CBFA2T3: variants seen among roughly 807,000 people sequenced by gnomAD.
CBFA2T3 encodes the protein CBFA2/RUNX1 partner transcriptional co-repressor 3.
In CBFA2T3, 31 loss-of-function variants were observed where a neutral mutation model predicts 58.6. The observed-to-expected ratio is 0.53, with a 90% CI of 0.40 to 0.71. CBFA2T3 has a LOEUF of 0.71. Ranked by LOEUF, CBFA2T3 falls within the 30% of genes least tolerant of loss-of-function variation. The pLI is 0.00. For missense variants in CBFA2T3, 1,076 were observed against 963.1 expected, an observed-to-expected ratio of 1.12 and a Z score of -1.55; for synonymous variants, 531 against 421.9, an observed-to-expected ratio of 1.26 and a Z score of -3.17.
chr16:88,941,274 C>T (rs1478793193), intron 1 of CBFA2T3: 1 of 651,904 alleles, frequency 1.5e-6, no homozygotes, highest in Non-Finnish European at 1.9e-6. Flanking sequence ...GGGGCGGTCT[C>T]CGGCCTCCGC....
intron 11 of CBFA2T3, among the ~76,000 whole-genome samples, chr16:88,878,501 G>A (rs1597652120): frequency 6.6e-6 from 1 of 152,352 alleles, no homozygotes; most frequent in African/African-American, 2.4e-5. Flanking sequence ...GTCGCGGAGG[G>A]TCCTCTGCCC....
chr16:88,884,705 C>T, intron 7 of CBFA2T3: 1 of 244,134 alleles, frequency 4.1e-6, no homozygotes. Flanking sequence ...GGACTCTCGT[C>T]TGGCCCAGGT....
chr16:88,921,827 C>A (rs781742493), intron 1 of CBFA2T3, among the ~76,000 whole-genome samples: 2 of 152,348 alleles, frequency 1.3e-5, no homozygotes, highest in African/African-American at 4.8e-5. Context: ...CCCCCATATG[C>A]GCCATAGCCT....
chr16:88,901,108 G>C (rs1035173967), intron 2 of CBFA2T3, among the ~76,000 whole-genome samples: 3 of 152,278 alleles, frequency 2.0e-5, no homozygotes, highest in African/African-American at 7.2e-5. Context: ...CCCCATCCGA[G>C]TTCCACGTTC....
chr16:88,974,219 T>C (rs1374366787), intron 1 of CBFA2T3, among the ~76,000 whole-genome samples: 4 of 152,104 alleles, frequency 2.6e-5, no homozygotes, highest in African/African-American at 4.8e-5. Context: ...AAAGTGGGCT[T>C]GGGGGGACAA....
intron 1 of CBFA2T3, among the ~76,000 whole-genome samples, chr16:88,911,540 G>A (rs1311201443): frequency 1.3e-5 from 2 of 152,244 alleles, no homozygotes; most frequent in African/African-American, 2.4e-5. Flanking sequence ...AACCTCAGGC[G>A]CCCTCTCCCT....
intron 1 of CBFA2T3, among the ~76,000 whole-genome samples, chr16:88,929,919 G>A (rs925199806): frequency 1.4e-5 from 2 of 147,108 alleles, no homozygotes; most frequent in Non-Finnish European, 3.0e-5. Context: ...CATCGTCCAC[G>A]CAAAAGCTAC....
intron 1 of CBFA2T3, among the ~76,000 whole-genome samples, chr16:88,959,851 C>T (rs1382583089): frequency 2.6e-5 from 4 of 152,100 alleles, no homozygotes; most frequent in African/African-American, 7.2e-5. Context: ...CATGGTGAAA[C>T]TCCATCTCTA....
At chr16:88,878,653 C>T (rs185020809) in intron 11 of CBFA2T3, among the ~76,000 whole-genome samples, 242 of 152,312 alleles carry the variant, frequency 1.6e-3, no homozygotes, top group Non-Finnish European at 2.2e-3. Flanking sequence ...GGCTAGAGAA[C>T]ACGGGTTTCA....
At position 88,958,536 on chromosome 16, in the gene CBFA2T3, G is replaced by T. The variant is rs1012601574; in HGVS notation, c.151+18121C>A. On this transcript the variant is annotated intron_variant, in intron 1 of 11. Transcript: ENST00000268679. The surrounding 1 kb of genome is among the most constrained non-coding windows in gnomAD (Gnocchi z 4.0). The stretch of plus-strand genomic sequence containing the variant: ...CCCCACATCCCTGGGCATCACACGC[G>T]TGTCGTCTGGAGCAGAAGCTGGTGG... 6.6e-6 allele frequency among the ~76,000 whole-genome samples: 1 copy of T among 152,204 alleles called. No homozygotes were observed. Among genetic ancestry groups the T allele is most frequent in the African/African-American group, 2.4e-5 (1 of 41,448 alleles).
chr16:88,892,553 A>G, intron 3 of CBFA2T3, 68 bp from the exon 4 acceptor site: 1 of 1,563,872 alleles, frequency 6.4e-7, no homozygotes. Context: ...CGGCGGCGAC[A>G]GTGAGGGAAG....
chr16:88,924,081 C>A (rs532067474), intron 1 of CBFA2T3, among the ~76,000 whole-genome samples: 30 of 152,266 alleles, frequency 2.0e-4, no homozygotes, highest in South Asian at 2.1e-4. Context: ...CCAGCCAGGG[C>A]TAAAGCAAGG....
intron 1 of CBFA2T3, among the ~76,000 whole-genome samples, chr16:88,912,473 G>A (rs1242747529): frequency 2.0e-5 from 3 of 152,172 alleles, no homozygotes; most frequent in Non-Finnish European, 4.4e-5. Context: ...CTGCATAGCC[G>A]TCTCCTCATC....
intron 1 of CBFA2T3, among the ~76,000 whole-genome samples, chr16:88,972,949 C>T (rs1357455317): frequency 6.6e-6 from 1 of 152,232 alleles, no homozygotes; most frequent in Non-Finnish European, 1.5e-5. Flanking sequence ...GTCTGTCTGT[C>T]TGTGGCCTCA....
At chr16:88,967,569 C>G (rs765458509) in intron 1 of CBFA2T3, among the ~76,000 whole-genome samples, 2 of 152,154 alleles carry the variant, frequency 1.3e-5, no homozygotes, top group Non-Finnish European at 2.9e-5. Context: ...TCTCGCCGCC[C>G]CCAGGTGGGG....
At chr16:88,975,179 C>CCCTGGCCCTCTGCTCCTG (rs1567643990) in intron 1 of CBFA2T3, among the ~76,000 whole-genome samples, 3 of 71,246 alleles carry the variant, frequency 4.2e-5, no homozygotes, top group East Asian at 5.3e-4. Context: ...CTCTGCTCCA[C>CCCTGGCCCTCTGCTCCTG]ATCTTTAGCC....
chr16:88,962,752 C>T lies in CBFA2T3; in HGVS notation c.151+13905G>A, dbSNP rs543032845. ...CACGAACATGGGTGTCTTTAGATGT[C>T]GCCTGGTGGGAAAACAGGGGGAGCA... On this transcript the variant is annotated intron_variant, in intron 1 of 11. Transcript: ENST00000268679. 3.9e-5 allele frequency among the ~76,000 whole-genome samples: 6 copies of T among 152,320 alleles called. No homozygotes were observed. The East Asian group carries it at 1.2e-3, about 29-fold the overall frequency.
chr16:88,969,657 C>A (rs189154314), intron 1 of CBFA2T3, among the ~76,000 whole-genome samples: 1 of 152,208 alleles, frequency 6.6e-6, no homozygotes, highest in African/African-American at 2.4e-5. Flanking sequence ...GCCGGCCTGA[C>A]GACGCACAGA....
At position 88,879,804 on chromosome 16, in the gene CBFA2T3, G is replaced by C. The variant is rs1040928804; in HGVS notation, c.1472-344C>G. 4.2e-5 allele frequency: 11 copies of C among 264,522 alleles called. No individual in the cohort carries two copies. The Admixed American group carries it at 4.9e-4, about 12-fold the overall frequency. 16.4% of individuals were successfully genotyped at this position (264,522 alleles called of 1,614,324 possible). A position where few individuals can be genotyped will look rare whatever the true frequency, so the allele number is the denominator to read the frequency against. On this transcript the variant is annotated intron_variant, in intron 10 of 11. Coordinates refer to ENST00000268679, the MANE Select transcript of CBFA2T3 (RefSeq NM_005187.6). Reference sequence around the variant, plus strand: ...GCTCCCCAGGCACTGCACCCCTGCAGGGCAAGGGCGAGGCCCACCCCAGGG... The same window carrying C: ...GCTCCCCAGGCACTGCACCCCTGCACGGCAAGGGCGAGGCCCACCCCAGGG...
Sources: gnomAD v4.1 joint callset for allele counts (sites outside exome capture counted in the v4.1 genomes callset) on GRCh38, gnomAD v4.1.1 for gene constraint, Gnocchi (gnomAD v3.1) non-coding constraint, MANE v1.5 for transcripts, NCBI Gene and HGNC (gene_info 2026-07-23, HGNC 2026-07-21) for gene names.